ZNF292: variants seen among roughly 807,000 people sequenced by gnomAD.
ZNF292 encodes the protein 16 zinc-finger domain protein.
In ZNF292, 26 loss-of-function variants were observed where a neutral mutation model predicts 217.9. That is an observed-to-expected ratio of 0.12 (90% CI 0.09 to 0.17). ZNF292 has a LOEUF of 0.17. ZNF292 is among the 10% of genes least tolerant of loss of function. The pLI, the probability that ZNF292 is intolerant of heterozygous loss-of-function variation, is 1.00. For synonymous variants in ZNF292, 1,257 were observed against 1,124.1 expected, an observed-to-expected ratio of 1.12 and a Z score of -2.37; for missense variants, 2,904 against 3,175.2, an observed-to-expected ratio of 0.91 and a Z score of 2.05.
In ZNF292 at chr6:87,257,212, C is replaced by T. The variant is rs775256796; in HGVS notation, c.3583C>T (p.His1195Tyr). The change falls in exon 8 of 8, where the codon CAT becomes TAT. Residue 1195 changes from histidine (H) to tyrosine (Y), a missense_variant. His to Tyr is a moderately conservative substitution (Grantham distance 83, BLOSUM62 2). Coordinates refer to ENST00000369577, the MANE Select transcript of ZNF292 (RefSeq NM_015021.3). ...TGTCTCGCCACCCATTTTTCCAGCT[C>T]ATTTAGCAAGTGTGTCAACTCCATT... ...QHVSPPIFPAHLASVSTPLLS... is the reference protein window; with the variant it reads ...QHVSPPIFPAYLASVSTPLLS... 1.9e-6 allele frequency: 3 copies of T among 1,613,840 alleles called. No homozygotes were observed. The highest frequency in any genetic ancestry group is 2.2e-5 in the East Asian group (1 of 44,882).
At position 87,259,903 on chromosome 6, in the gene ZNF292, A is replaced by G; in HGVS notation, c.6274A>G (p.Lys2092Glu). The G allele has an allele frequency of 6.2e-7, 1 of 1,613,664 alleles. No homozygotes were observed. Among genetic ancestry groups the G allele is most frequent in the East Asian group, 2.2e-5 (1 of 44,874 alleles). ...IRRHKKEKEE[K>E]KRKKPVSQSL... ...GAGGCATAAAAAAGAAAAGGAGGAGAAAAAACGAAAGAAGCCAGTTTCCCA... is the reference window on the plus strand; with the variant it reads ...GAGGCATAAAAAAGAAAAGGAGGAGGAAAAACGAAAGAAGCCAGTTTCCCA... Residue 2092 changes from lysine to glutamate, a missense_variant, in exon 8 of 8, where the codon AAA becomes GAA. Physicochemically the swap from Lys to Glu is moderately conservative, Grantham distance 56. Around this residue, in one of 15 missense-constraint regions of ZNF292, gnomAD observed 261 missense variants for 272.8 expected, o/e 0.96. Transcript: ENST00000369577.
At chr6:87,186,239 T>C (rs1474473932) in intron 1 of ZNF292, among the ~76,000 whole-genome samples, 3 of 152,258 alleles carry the variant, frequency 2.0e-5, no homozygotes. Flanking sequence ...TAATGGAGGT[T>C]AAATTCCCAG....
intron 1 of ZNF292, among the ~76,000 whole-genome samples, chr6:87,187,759 T>C (rs1199782877): frequency 6.7e-6 from 1 of 150,324 alleles, no homozygotes; most frequent in African/African-American, 2.5e-5. Context: ...GTTGACTTAA[T>C]GTAGTTTGAT....
chr6:87,167,670 T>G (rs1019987440), intron 1 of ZNF292, among the ~76,000 whole-genome samples: 1 of 152,164 alleles, frequency 6.6e-6, no homozygotes, highest in Non-Finnish European at 1.5e-5. Flanking sequence ...AAAAAACTTC[T>G]GTTTTAATGA....
chr6:87,159,495 CTTTTT>C (rs772140637), intron 1 of ZNF292, among the ~76,000 whole-genome samples: 2 of 124,502 alleles, frequency 1.6e-5, no homozygotes, highest in East Asian at 2.2e-4. Context: ...TCTTTTCTTT[CTTTTT>C]TTTTTTTTTT....
intron 1 of ZNF292, among the ~76,000 whole-genome samples, chr6:87,179,384 C>A (rs930782589): frequency 1.3e-5 from 2 of 152,050 alleles, no homozygotes; most frequent in African/African-American, 4.8e-5. Flanking sequence ...GGGTCTCGAA[C>A]TGCCAACCTC....
rs547897855 is a variant in ZNF292 at position 87,157,005 on chromosome 6, G to T, written c.168+1246G>T. 3.3e-5 allele frequency among the ~76,000 whole-genome samples: 5 copies of T among 152,280 alleles called. No individual in the cohort carries two copies. In the East Asian group the frequency reaches 9.6e-4, roughly 29 times the overall value. ...GTTTTGGAAAAATACTGATCTTAAC[G>T]TAGAACAATGGTTGACCATTTTAGC... On this transcript the variant is annotated intron_variant, in intron 1 of 7. Coordinates refer to ENST00000369577, the MANE Select transcript of ZNF292 (RefSeq NM_015021.3).
intron 4 of ZNF292, among the ~76,000 whole-genome samples, chr6:87,219,167 T>A (rs903012945): frequency 6.6e-6 from 1 of 152,222 alleles, no homozygotes; most frequent in African/African-American, 2.4e-5. Flanking sequence ...AGTCTTATTG[T>A]ATCCCCTGCG....
intron 1 of ZNF292, among the ~76,000 whole-genome samples, chr6:87,207,145 G>A (rs1194725512): frequency 6.6e-6 from 1 of 152,090 alleles, no homozygotes; most frequent in Non-Finnish European, 1.5e-5. Context: ...AGTTCATTTG[G>A]GTACAGTTGT....
intron 1 of ZNF292, among the ~76,000 whole-genome samples, chr6:87,187,714 CAAAAA>C (rs10687268): frequency 1.0e-5 from 1 of 96,664 alleles, no homozygotes; most frequent in Non-Finnish European, 2.0e-5. Context: ...GACTCTGCCT[CAAAAA>C]AAAAAAAAAA....
intron 1 of ZNF292, among the ~76,000 whole-genome samples, chr6:87,188,592 T>C (rs1242209339): frequency 1.3e-5 from 2 of 152,134 alleles, no homozygotes; most frequent in African/African-American, 4.8e-5. Flanking sequence ...TTTGTAACCA[T>C]GTTAACTTGA....
At chr6:87,205,315 C>T (rs1772216448) in intron 1 of ZNF292, among the ~76,000 whole-genome samples, 1 of 152,116 alleles carries the variant, frequency 6.6e-6, no homozygotes, top group African/African-American at 2.4e-5. Flanking sequence ...CTCAAATTAT[C>T]CTCCCACCTT....
At chr6:87,230,381 C>T (rs1164040952) in intron 4 of ZNF292, among the ~76,000 whole-genome samples, 1 of 152,138 alleles carries the variant, frequency 6.6e-6, no homozygotes, top group African/African-American at 2.4e-5. Context: ...AGAAAATCAA[C>T]TCATATTTTG....
chr6:87,221,855 C>T (rs890055272), intron 4 of ZNF292, among the ~76,000 whole-genome samples: 5 of 151,990 alleles, frequency 3.3e-5, no homozygotes, highest in Non-Finnish European at 5.9e-5. Context: ...GTTTTGAGGT[C>T]AGAGGTATCT....
chr6:87,210,608 C>T (rs561663876), intron 1 of ZNF292, among the ~76,000 whole-genome samples: 57 of 151,970 alleles, frequency 3.8e-4, no homozygotes, highest in East Asian at 3.5e-3. Flanking sequence ...GGTGAAACGC[C>T]GTCTCTACTA....
At chr6:87,233,556 AT>A in intron 5 of ZNF292, 29 bp downstream of exon 5, 3 of 1,573,214 alleles carry the variant, frequency 1.9e-6, no homozygotes, top group Non-Finnish European at 2.6e-6. Context: ...ATTAGTAATT[AT>A]TTTTTAAGTT....
rs766869291 is a variant in ZNF292 at position 87,241,130 on chromosome 6, A to G, written c.742-2345A>G. On this transcript the variant is annotated intron_variant, in intron 5 of 7. Transcript: ENST00000369577. Reference sequence around the variant, plus strand: ...AAACCCCATCTCTACTAAAAATACAAAACATTAGCTGGGCGTGGTGGCACG... The same window carrying G: ...AAACCCCATCTCTACTAAAAATACAGAACATTAGCTGGGCGTGGTGGCACG... 2.0e-5 allele frequency among the ~76,000 whole-genome samples: 3 copies of G among 152,130 alleles called. No homozygotes were observed. The South Asian group carries it at 6.2e-4, about 31-fold the overall frequency.
intron 5 of ZNF292, among the ~76,000 whole-genome samples, chr6:87,235,600 T>C (rs1773866222): frequency 6.6e-6 from 1 of 152,174 alleles, no homozygotes; most frequent in South Asian, 2.1e-4. Flanking sequence ...TCTAGCTCTC[T>C]GAATAATCCA....
In ZNF292 at chr6:87,265,809, A is replaced by G. The variant is rs920675678; in HGVS notation, c.*4008A>G. 2.0e-5 allele frequency among the ~76,000 whole-genome samples: 3 copies of G among 152,216 alleles called. No individual in the cohort carries two copies. The highest frequency in any genetic ancestry group is 7.2e-5 in the African/African-American group (3 of 41,458). On this transcript the variant is annotated 3_prime_UTR_variant, in exon 8 of 8. Coordinates refer to ENST00000369577, the MANE Select transcript of ZNF292 (RefSeq NM_015021.3). ...TGATTATTCTGATTGATCAATTTATATATCCCAATGGGTTGATTCCTTTGC... is the reference window on the plus strand; with the variant it reads ...TGATTATTCTGATTGATCAATTTATGTATCCCAATGGGTTGATTCCTTTGC...
Sources: gnomAD v4.1 joint callset for allele counts (sites outside exome capture counted in the v4.1 genomes callset) on GRCh38, gnomAD v4.1.1 for gene constraint, gnomAD v4.1.1 regional missense constraint, MANE v1.5 for transcripts, NCBI Gene and HGNC (gene_info 2026-07-23, HGNC 2026-07-21) for gene names.